Variants in EFCAB7 observed in about 807,000 individuals in gnomAD.
EFCAB7 encodes the protein EF-hand calcium binding domain 7, also known as EF-hand calcium-binding domain-containing protein 7.
Under a neutral mutation model 77.1 loss-of-function variants are expected in EFCAB7, and 66 were observed. That is an observed-to-expected ratio of 0.86 (90% confidence interval 0.70 to 1.05). The LOEUF (loss-of-function observed/expected upper bound fraction) is 1.05. EFCAB7 is among the 50% of genes least tolerant of loss of function. EFCAB7 has a pLI of 0.00. For missense variants in EFCAB7, 638 were observed against 730.5 expected (o/e 0.87, Z 1.46); for synonymous variants, 225 against 243.3 (o/e 0.92, Z 0.70).
In EFCAB7 at chr1:63,553,487, G is replaced by A. The variant is rs550305603; in HGVS notation, c.1056+1653G>A. Among the ~76,000 whole-genome samples, 3 of 152,114 alleles carry A rather than the reference G, an allele frequency of 2.0e-5. No homozygotes were observed. The South Asian group carries it at 6.2e-4, about 32-fold the overall frequency. On this transcript the variant is annotated intron_variant, in intron 8 of 13. Transcript: ENST00000371088. Reference sequence around the variant, plus strand: ...CTCAAGTAGCTGGGACTACAGGCGTGTGCCACCATGCCCAGCTAATTTTTG... The same window carrying A: ...CTCAAGTAGCTGGGACTACAGGCGTATGCCACCATGCCCAGCTAATTTTTG...
Position 63,551,845 on chromosome 1 carries a change from T to C in EFCAB7, c.1056+11T>C. 1.3e-6 allele frequency: 2 copies of C among 1,495,584 alleles called. No homozygotes were observed. The highest frequency in any genetic ancestry group is 1.8e-6 in the Non-Finnish European group (2 of 1,108,796). 92.6% of individuals were successfully genotyped at this position (1,495,584 alleles called of 1,614,324 possible). A position where few individuals can be genotyped will look rare whatever the true frequency, so the allele number is the denominator to read the frequency against. Reference sequence around the variant, plus strand: ...CTACGAAATAGAGAAGTATACATATTTATTTTCTAATGTTTAATTTTTAAA... The same window carrying C: ...CTACGAAATAGAGAAGTATACATATCTATTTTCTAATGTTTAATTTTTAAA... On this transcript the variant is annotated intron_variant, in intron 8 of 13. Coordinates refer to ENST00000371088, the MANE Select transcript of EFCAB7 (RefSeq NM_032437.4).
chr1:63,551,613 G>T, intron 7 of EFCAB7, 112 bp from the exon 8 acceptor site: 14 of 422,194 alleles, frequency 3.3e-5, no homozygotes, highest in East Asian at 8.4e-5. Context: ...CATGGAATAT[G>T]TATTTCTAAA....
chr1:63,568,687 G>T, intron 12 of EFCAB7, 168 bp downstream of exon 12: 1 of 486,490 alleles, frequency 2.1e-6, no homozygotes, highest in Non-Finnish European at 3.4e-6. Flanking sequence ...AACTGGGAGT[G>T]GTAATTTTTA....
intron 2 of EFCAB7, among the ~76,000 whole-genome samples, chr1:63,526,245 G>T (rs1460347892): frequency 6.6e-6 from 1 of 151,750 alleles, no homozygotes; most frequent in Non-Finnish European, 1.5e-5. Context: ...GTCTTTTATT[G>T]CTTCTGTCCT....
At chr1:63,553,733 T>G (rs1212110337) in intron 8 of EFCAB7, among the ~76,000 whole-genome samples, 1 of 152,200 alleles carries the variant, frequency 6.6e-6, no homozygotes, top group Non-Finnish European at 1.5e-5. Context: ...TTTCTCTGAG[T>G]TGCCAGGGCA....
chr1:63,548,796 A>G (rs1646929963), intron 7 of EFCAB7: 1 of 152,582 alleles, frequency 6.6e-6, no homozygotes, highest in Non-Finnish European at 1.5e-5. Context: ...ATTGTTAGGA[A>G]AGGAGCAATA....
chr1:63,549,192 C>T (rs1646936257), intron 7 of EFCAB7: 1 of 301,844 alleles, frequency 3.3e-6, no homozygotes, highest in South Asian at 3.2e-5. Flanking sequence ...TGATTGAATA[C>T]TCACATAATG....
the EFCAB7 span, among the ~76,000 whole-genome samples, chr1:63,582,906 T>C: frequency 6.6e-6 from 1 of 152,082 alleles, no homozygotes; most frequent in Admixed American, 6.5e-5. Flanking sequence ...CACCCAGCCA[T>C]GCAAAAGGAA....
chr1:63,565,680 G>GA (rs1647162500), intron 11 of EFCAB7, among the ~76,000 whole-genome samples: 1 of 106,620 alleles, frequency 9.4e-6, no homozygotes, highest in Non-Finnish European at 1.8e-5. Flanking sequence ...AAATTTACAA[G>GA]AAAAAAATTC....
chr1:63,556,789 G>C (rs541097178), intron 9 of EFCAB7, among the ~76,000 whole-genome samples: 1 of 151,932 alleles, frequency 6.6e-6, no homozygotes, highest in East Asian at 1.9e-4. Flanking sequence ...TTGGGAGGCT[G>C]AGGCGGGCGG....
At chr1:63,562,182 CTT>C (rs1237203900) in intron 11 of EFCAB7, among the ~76,000 whole-genome samples, 21 of 151,770 alleles carry the variant, frequency 1.4e-4, no homozygotes, top group African/African-American at 5.1e-4. Context: ...TAGGGAAACA[CTT>C]TGTCTTAACA....
At chr1:63,551,313 C>T (rs1646961662) in intron 7 of EFCAB7, among the ~76,000 whole-genome samples, 1 of 152,128 alleles carries the variant, frequency 6.6e-6, no homozygotes, top group African/African-American at 2.4e-5. Context: ...GGAATATGGG[C>T]CGGGTGTGGT....
intron 10 of EFCAB7, among the ~76,000 whole-genome samples, chr1:63,560,072 C>A (rs1159304791): frequency 6.6e-6 from 1 of 152,010 alleles, no homozygotes; most frequent in Non-Finnish European, 1.5e-5. Context: ...TCTGCCTCAG[C>A]CTCCCGAGTA....
At chr1:63,548,244 A>C (rs889624598) in intron 7 of EFCAB7, 3 of 152,246 alleles carry the variant, frequency 2.0e-5, no homozygotes, top group African/African-American at 7.2e-5. Context: ...GAGTTGTAGG[A>C]GATGAAACCA....
At chr1:63,531,699 G>A in intron 2 of EFCAB7, 121 bp from the exon 3 acceptor site, 2 of 876,294 alleles carry the variant, frequency 2.3e-6, no homozygotes, top group Non-Finnish European at 3.6e-6. Context: ...CCAAAGTAAT[G>A]TACTGGTATA....
chr1:63,562,709 G>C (rs1313226180), intron 11 of EFCAB7, among the ~76,000 whole-genome samples: 19 of 147,850 alleles, frequency 1.3e-4, no homozygotes, highest in African/African-American at 3.5e-4. Context: ...GGGTCTCACT[G>C]TTTTACCCAG....
chr1:63,577,273 ACTT>A (rs1647452194), downstream of EFCAB7, among the ~76,000 whole-genome samples: 1 of 152,248 alleles, frequency 6.6e-6, no homozygotes, highest in African/African-American at 2.4e-5. Context: ...ATATTTTTCA[ACTT>A]CTTTTAGACA....
intron 6 of EFCAB7, among the ~76,000 whole-genome samples, chr1:63,544,561 C>T (rs1019964002): frequency 3.9e-5 from 6 of 151,986 alleles, no homozygotes; most frequent in South Asian, 2.1e-4. Context: ...TACAGGCGCA[C>T]GCCACCGTGC....
intron 11 of EFCAB7, among the ~76,000 whole-genome samples, chr1:63,566,463 GTAACAAATCTGCA>G (rs1362575135): frequency 6.6e-6 from 1 of 152,008 alleles, no homozygotes; most frequent in African/African-American, 2.4e-5. Context: ...GTTTACCTGT[GTAACAAATCTGCA>G]CATGTACCCC....
Sources: gnomAD v4.1 joint callset for allele counts (sites outside exome capture counted in the v4.1 genomes callset) on GRCh38, gnomAD v4.1.1 for gene constraint, MANE v1.5 for transcripts, NCBI Gene and HGNC (gene_info 2026-07-23, HGNC 2026-07-21) for gene names.